EZH2: variants seen among roughly 807,000 people sequenced by gnomAD.
The protein encoded by EZH2 is enhancer of zeste 2 polycomb repressive complex 2 subunit.
A neutral mutation model predicts 98.4 loss-of-function variants in EZH2; 18 were observed. That is an observed-to-expected ratio of 0.18 (90% CI 0.13 to 0.27). EZH2 has a LOEUF of 0.27. Ranked by LOEUF, EZH2 falls within the 10% of genes least tolerant of loss-of-function variation. EZH2 has a pLI of 1.00. For synonymous variants in EZH2, 338 were observed against 312.3 expected (o/e 1.08, Z -0.87); for missense variants, 470 against 935.1 (o/e 0.50, Z 6.49).
chr7:148,841,696 G>C (rs1008010140), intron 3 of EZH2, among the ~76,000 whole-genome samples: 2 of 151,948 alleles, frequency 1.3e-5, no homozygotes, highest in Non-Finnish European at 2.9e-5. Context: ...AAATACACTA[G>C]GATATTATTT....
At chr7:148,840,423 A>G (rs191951272) in intron 3 of EZH2, among the ~76,000 whole-genome samples, 20 of 152,314 alleles carry the variant, frequency 1.3e-4, no homozygotes, top group Non-Finnish European at 2.6e-4. Context: ...AATAATTTTT[A>G]AAAATAAAAT....
intron 1 of EZH2, among the ~76,000 whole-genome samples, chr7:148,880,838 A>C (rs1467674843): frequency 6.6e-6 from 1 of 152,356 alleles, no homozygotes; most frequent in East Asian, 1.9e-4. Context: ...ATACAAAGAA[A>C]AAAATAAGAC....
At chr7:148,878,290 G>A (rs1820452316) in intron 1 of EZH2, among the ~76,000 whole-genome samples, 2 of 151,980 alleles carry the variant, frequency 1.3e-5, no homozygotes, top group Non-Finnish European at 2.9e-5. Context: ...CACAGCCCTG[G>A]TAACCTCTAT....
intron 7 of EZH2, 32 bp from the exon 8 acceptor site, chr7:148,826,664 A>G: frequency 7.0e-7 from 1 of 1,429,758 alleles, no homozygotes; most frequent in Non-Finnish European, 9.2e-7. Context: ...TTAAGTAAAC[A>G]TGAAACAAAA....
intron 1 of EZH2, among the ~76,000 whole-genome samples, chr7:148,848,966 C>CAT (rs780750793): frequency 9.2e-5 from 14 of 152,020 alleles, no homozygotes; most frequent in Non-Finnish European, 1.8e-4. Flanking sequence ...AAGAGACTCC[C>CAT]ATATACTTTA....
intron 1 of EZH2, 48 bp downstream of exon 1, chr7:148,884,116 C>G (rs1445818839): frequency 1.3e-5 from 2 of 150,820 alleles, no homozygotes; most frequent in African/African-American, 2.4e-5. Context: ...CCGCCCGGTT[C>G]GCACTCCCGG....
At chr7:148,830,096 A>G (rs1808918029) in intron 4 of EZH2, among the ~76,000 whole-genome samples, 1 of 152,246 alleles carries the variant, frequency 6.6e-6, no homozygotes, top group South Asian at 2.1e-4. Context: ...TTAGTCTGTC[A>G]TCAATCATTA....
At chr7:148,883,763 G>T (rs1821381462) in intron 1 of EZH2, among the ~76,000 whole-genome samples, 1 of 151,932 alleles carries the variant, frequency 6.6e-6, no homozygotes, top group African/African-American at 2.4e-5. Flanking sequence ...CCACCCGGGC[G>T]CTCCCGCCGC....
At chr7:148,844,016 C>G (rs1233327384) in intron 3 of EZH2, among the ~76,000 whole-genome samples, 1 of 152,158 alleles carries the variant, frequency 6.6e-6, no homozygotes, top group Non-Finnish European at 1.5e-5. Flanking sequence ...TAAAAGCAAG[C>G]AGTTAATTAA....
At chr7:148,856,922 C>T (rs1816914315) in intron 1 of EZH2, among the ~76,000 whole-genome samples, 1 of 152,138 alleles carries the variant, frequency 6.6e-6, no homozygotes, top group Non-Finnish European at 1.5e-5. Flanking sequence ...TTTCCTTCCC[C>T]CTGAGCGTGA....
At chr7:148,871,865 C>T (rs908079311) in intron 1 of EZH2, among the ~76,000 whole-genome samples, 2 of 152,120 alleles carry the variant, frequency 1.3e-5, no homozygotes, top group East Asian at 1.9e-4. Context: ...TCAGCCACCA[C>T]GCCCAGCCGA....
At chr7:148,835,496 C>T (rs915275471) in intron 3 of EZH2, among the ~76,000 whole-genome samples, 5 of 150,860 alleles carry the variant, frequency 3.3e-5, no homozygotes, top group African/African-American at 9.8e-5. Context: ...CTTATTAATA[C>T]TACCAAGTCT....
Position 148,880,059 on chromosome 7 carries a change from T to C in EZH2, c.-8+4105A>G, listed in dbSNP as rs568847564. Among the ~76,000 whole-genome samples, 5 of 152,376 alleles carry C rather than the reference T, an allele frequency of 3.3e-5. No homozygotes were observed. The South Asian group carries it at 1.0e-3, about 32-fold the overall frequency. ...AGGAGTTTAAGGATGCAGTGAGCTA[T>C]GATCTTGTTCTGTCTTGCTATTGTT... On this transcript the variant is annotated intron_variant, in intron 1 of 19. Coordinates refer to ENST00000320356, the MANE Select transcript of EZH2 (RefSeq NM_004456.5).
chr7:148,842,169 T>G (rs1440141040), intron 3 of EZH2, among the ~76,000 whole-genome samples: 2 of 152,146 alleles, frequency 1.3e-5, no homozygotes, highest in Non-Finnish European at 2.9e-5. Context: ...ATTGGCAAGA[T>G]GGATTAAATT....
intron 1 of EZH2, among the ~76,000 whole-genome samples, chr7:148,848,239 G>A (rs1814699220): frequency 6.6e-6 from 1 of 152,162 alleles, no homozygotes; most frequent in African/African-American, 2.4e-5. Flanking sequence ...AAGTAAAAGG[G>A]TGTGCGGTGA....
chr7:148,825,412 T>C (rs1807411599), intron 8 of EZH2, among the ~76,000 whole-genome samples: 1 of 152,108 alleles, frequency 6.6e-6, no homozygotes, highest in Admixed American at 6.6e-5. Flanking sequence ...TACTTCAAGT[T>C]TTTCTATTTT....
At chr7:148,822,810 T>TG in intron 8 of EZH2, among the ~76,000 whole-genome samples, 1 of 151,494 alleles carries the variant, frequency 6.6e-6, no homozygotes, top group African/African-American at 2.4e-5. Flanking sequence ...GGTGAGGTGG[T>TG]GCGCGCCTGT....
At chr7:148,875,174 T>C (rs1025867458) in intron 1 of EZH2, among the ~76,000 whole-genome samples, 3 of 152,248 alleles carry the variant, frequency 2.0e-5, no homozygotes, top group Admixed American at 6.5e-5. Flanking sequence ...AATAATATCC[T>C]TTTAGTTTAC....
At chr7:148,820,216 T>C (rs1341666232) in intron 8 of EZH2, among the ~76,000 whole-genome samples, 4 of 152,188 alleles carry the variant, frequency 2.6e-5, no homozygotes, top group Admixed American at 1.3e-4. Context: ...TGAGAGCTTA[T>C]AGTGTCTTGC....
Sources: gnomAD v4.1 joint callset for allele counts (sites outside exome capture counted in the v4.1 genomes callset) on GRCh38, gnomAD v4.1.1 for gene constraint, MANE v1.5 for transcripts, NCBI Gene and HGNC (gene_info 2026-07-23, HGNC 2026-07-21) for gene names.